DIAPH2: variants seen among roughly 807,000 people sequenced by gnomAD.
DIAPH2 encodes protein diaphanous homolog 2.
A neutral mutation model predicts 92.7 loss-of-function variants in DIAPH2; 35 were observed. The ratio of observed to expected loss-of-function variants is 0.38; its 90% CI spans 0.29 to 0.50. DIAPH2 has a LOEUF of 0.50. DIAPH2 is among the 20% of genes least tolerant of loss of function. The pLI, the probability that DIAPH2 is intolerant of heterozygous loss-of-function variation, is 0.94. For missense variants in DIAPH2, 701 were observed against 819.5 expected (o/e 0.86, Z 1.77); for synonymous variants, 301 against 280.4 (o/e 1.07, Z -0.73).
At chrX:97,494,909 A>C (rs550373353) in intron 26 of DIAPH2, among the ~76,000 whole-genome samples, 6 of 112,382 alleles carry the variant, frequency 5.3e-5, no homozygotes, top group Admixed American at 1.9e-4. Flanking sequence ...AATCTTGTAG[A>C]GCTATGCTCA....
intron 26 of DIAPH2, among the ~76,000 whole-genome samples, chrX:97,565,577 G>C (rs183102547): frequency 2.1e-4 from 24 of 112,340 alleles, no homozygotes; most frequent in Admixed American, 1.8e-3. Context: ...AATTTAATTT[G>C]TTTAGTTATA....
At chrX:97,247,023 A>T (rs1403722731) in intron 22 of DIAPH2, among the ~76,000 whole-genome samples, 1 of 112,365 alleles carries the variant, frequency 8.9e-6, no homozygotes, top group African/African-American at 3.2e-5. Flanking sequence ...ATTTAGGAGC[A>T]GTTTGAATAC....
rs371176400 is a variant in DIAPH2, at chrX:96,866,241, C to T, written c.448-15338C>T. Among the ~76,000 whole-genome samples the T allele has an allele frequency of 3.5e-3, 386 of 111,873 alleles. 3 individuals are homozygous for T. The highest frequency in any genetic ancestry group is 0.012 in the African/African-American group (361 of 30,821). On this transcript the variant is annotated intron_variant, in intron 4 of 26. Transcript: ENST00000324765. ...TTCCTCTCAATGCTTAGGATCATGC[C>T]TCGTTCCTCCTAGAATTTCTTATTA...
At chrX:97,316,358 C>A (rs763212108) in intron 23 of DIAPH2, among the ~76,000 whole-genome samples, 2 of 110,234 alleles carry the variant, frequency 1.8e-5, no homozygotes, top group South Asian at 7.8e-4. Flanking sequence ...AATCAGTAGA[C>A]TAGCCGAGCG....
intron 19 of DIAPH2, among the ~76,000 whole-genome samples, chrX:97,094,491 G>C (rs1470848541): frequency 8.9e-6 from 1 of 111,907 alleles, no homozygotes; most frequent in African/African-American, 3.2e-5. Flanking sequence ...ATGTGTTTTT[G>C]AAAATAGTGA....
intron 26 of DIAPH2, among the ~76,000 whole-genome samples, chrX:97,532,077 C>T (rs1444967636): frequency 2.7e-5 from 3 of 112,643 alleles, no homozygotes; most frequent in Non-Finnish European, 5.6e-5. Context: ...ATGATTAGAT[C>T]ACATCTGGCA....
chrX:97,501,982 T>TA (rs2070801443), intron 26 of DIAPH2, among the ~76,000 whole-genome samples: 1 of 111,355 alleles, frequency 9.0e-6, no homozygotes, highest in Non-Finnish European at 1.9e-5. Context: ...TTTGTCTCTT[T>TA]AGTAGAGACA....
At chrX:97,438,338 GTTTTTTT>G (rs745882169) in intron 26 of DIAPH2, among the ~76,000 whole-genome samples, 3 of 53,760 alleles carry the variant, frequency 5.6e-5, no homozygotes, top group East Asian at 1.2e-3. Flanking sequence ...GCAGCTTCTT[GTTTTTTT>G]TTTTTGTTTG....
In DIAPH2 at chrX:97,473,559, A is replaced by T. The variant is rs1329315155; in HGVS notation, c.3241+43814A>T. ...CCGTGTTGGTCAGGCTTGGTCTTGA[A>T]CTCCTGACCTCGTGATCTGCCCGCC... On this transcript the variant is annotated intron_variant, in intron 26 of 26. Transcript: ENST00000324765. 1.0e-4 allele frequency among the ~76,000 whole-genome samples: 11 copies of T among 110,004 alleles called. No homozygotes were observed. The East Asian group carries it at 2.9e-3, about 29-fold the overall frequency.
intron 5 of DIAPH2, among the ~76,000 whole-genome samples, chrX:96,897,740 T>C (rs1484644624): frequency 9.3e-6 from 1 of 107,506 alleles, no homozygotes; most frequent in Non-Finnish European, 1.9e-5. Flanking sequence ...TTATTATTAT[T>C]ATACTTTAAG....
intron 17 of DIAPH2, among the ~76,000 whole-genome samples, chrX:97,056,455 G>A (rs761329561): frequency 1.1e-4 from 12 of 111,513 alleles, no homozygotes; most frequent in African/African-American, 2.9e-4. Context: ...ATGACCATAC[G>A]TATTAAAGGG....
chrX:97,095,076 T>G (rs981168817), intron 19 of DIAPH2, among the ~76,000 whole-genome samples: 1 of 101,778 alleles, frequency 9.8e-6, no homozygotes, highest in Non-Finnish European at 2.0e-5. Flanking sequence ...GCCAAGGGAC[T>G]TTTAGGGAAA....
chrX:97,365,682 CTTTTTTTTTTCATT>C (rs2069373747), intron 24 of DIAPH2, among the ~76,000 whole-genome samples: 1 of 104,307 alleles, frequency 9.6e-6, no homozygotes, highest in African/African-American at 3.5e-5. Context: ...TTCTTTCTTT[CTTTTTTTTTTCATT>C]TTTTTTTTGT....
At chrX:96,869,337 G>A (rs755612079) in intron 4 of DIAPH2, among the ~76,000 whole-genome samples, 1 of 110,501 alleles carries the variant, frequency 9.0e-6, no homozygotes, top group Non-Finnish European at 1.9e-5. Flanking sequence ...GCCGAGGTGG[G>A]TGGATCACAA....
At position 97,601,601 on chromosome X, in the gene DIAPH2, AT is replaced by A. The variant is rs762635485; in HGVS notation, c.*2289del. 1.3e-3 allele frequency: 151 copies of A among 112,115 alleles called. No homozygotes were observed. The highest frequency in any genetic ancestry group is 4.5e-3 in the African/African-American group (140 of 30,876). The allele number at this position is 112,115 out of a possible 1,213,427, so 9.2% of individuals were successfully genotyped here. A position where few individuals can be genotyped will look rare whatever the true frequency, so the allele number is the denominator to read the frequency against. On this transcript the variant is annotated 3_prime_UTR_variant, in exon 27 of 27. Coordinates refer to ENST00000324765, the MANE Select transcript of DIAPH2 (RefSeq NM_006729.5). Reference sequence around the variant, plus strand: ...ATCACCAAAAAAAGTATATAGTGACATTTTTAGTATGAAACCAAATTACACT... The same window carrying A: ...ATCACCAAAAAAAGTATATAGTGACATTTTAGTATGAAACCAAATTACACT...
At chrX:97,468,748 T>C (rs1024748185) in intron 26 of DIAPH2, among the ~76,000 whole-genome samples, 1 of 111,131 alleles carries the variant, frequency 9.0e-6, no homozygotes, top group African/African-American at 3.3e-5. Flanking sequence ...CATTAGTTAA[T>C]ATATATTAAC....
At chrX:97,101,168 G>A (rs2066903624) in intron 20 of DIAPH2, among the ~76,000 whole-genome samples, 1 of 111,208 alleles carries the variant, frequency 9.0e-6, no homozygotes, top group South Asian at 3.8e-4. Flanking sequence ...ATTGAAGCAA[G>A]GGTATATACC....
intron 23 of DIAPH2, among the ~76,000 whole-genome samples, chrX:97,311,880 T>C (rs1404728549): frequency 1.8e-5 from 2 of 109,755 alleles, no homozygotes; most frequent in African/African-American, 6.6e-5. Flanking sequence ...TAGGCTGGAG[T>C]GCAGTGGAAC....
chrX:96,813,311 A>T (rs768324392), intron 4 of DIAPH2, among the ~76,000 whole-genome samples: 32 of 109,726 alleles, frequency 2.9e-4, no homozygotes, highest in Middle Eastern at 4.7e-3. Flanking sequence ...TTGTTGGTTT[A>T]AAGTCTGTTT....
Sources: allele counts gnomAD v4.1 joint callset (sites outside exome capture counted in the v4.1 genomes callset), GRCh38; gene constraint gnomAD v4.1.1; transcripts MANE v1.5; gene names NCBI Gene and HGNC (gene_info 2026-07-23, HGNC 2026-07-21).